TMEM163: variants seen among roughly 807,000 people sequenced by gnomAD.
TMEM163 encodes the protein transmembrane protein 163.
Under a neutral mutation model 29.3 loss-of-function variants are expected in TMEM163, and 17 were observed. The ratio of observed to expected loss-of-function variants is 0.58; its 90% CI spans 0.40 to 0.87. The LOEUF (loss-of-function observed/expected upper bound fraction) is 0.87. Ranked by LOEUF, TMEM163 falls within the 40% of genes least tolerant of loss-of-function variation. The pLI, the probability that TMEM163 is intolerant of heterozygous loss-of-function variation, is 0.00. For missense variants in TMEM163, 303 were observed against 381.5 expected (o/e 0.79, Z 1.71); for synonymous variants, 157 against 160.6 (o/e 0.98, Z 0.17).
At chr2:134,565,003 T>G (rs1681265996) in intron 2 of TMEM163, among the ~76,000 whole-genome samples, 1 of 152,080 alleles carries the variant, frequency 6.6e-6, no homozygotes, top group Non-Finnish European at 1.5e-5. Flanking sequence ...TTTGGGAGGC[T>G]GAGGCAGGCA....
intron 2 of TMEM163, among the ~76,000 whole-genome samples, chr2:134,625,304 A>G (rs1384402403): frequency 6.6e-6 from 1 of 152,362 alleles, no homozygotes; most frequent in East Asian, 1.9e-4. Flanking sequence ...TAAGAAGTCA[A>G]TACACATGGA....
intron 5 of TMEM163, among the ~76,000 whole-genome samples, chr2:134,474,801 T>C (rs910489533): frequency 2.6e-5 from 4 of 152,162 alleles, no homozygotes. Context: ...AAATTTTACA[T>C]GTAAGACCTG....
At chr2:134,507,243 G>A (rs1020638122) in intron 4 of TMEM163, among the ~76,000 whole-genome samples, 2 of 152,046 alleles carry the variant, frequency 1.3e-5, no homozygotes, top group Non-Finnish European at 2.9e-5. Flanking sequence ...GGCAGAGGCA[G>A]GAGAATCGCT....
At chr2:134,486,969 AT>A (rs1266932132) in intron 5 of TMEM163, among the ~76,000 whole-genome samples, 20 of 152,242 alleles carry the variant, frequency 1.3e-4, no homozygotes, top group Non-Finnish European at 2.8e-4. Flanking sequence ...CAGAAAAAGT[AT>A]TCAAAATTCA....
chr2:134,456,817 G>A (rs1169871620), intron 7 of TMEM163, 41 bp from the exon 8 acceptor site: 1 of 1,602,792 alleles, frequency 6.2e-7, no homozygotes, highest in Non-Finnish European at 8.5e-7. Flanking sequence ...CCATGGCATG[G>A]GGCTGAAGAG....
chr2:134,461,396 G>GT (rs1165213004), intron 6 of TMEM163, among the ~76,000 whole-genome samples: 1 of 152,204 alleles, frequency 6.6e-6, no homozygotes, highest in African/African-American at 2.4e-5. Context: ...GCAGGCTCCT[G>GT]TTTCAGAGGG....
chr2:134,659,732 G>T (rs1293017067), intron 2 of TMEM163, among the ~76,000 whole-genome samples: 1 of 152,162 alleles, frequency 6.6e-6, no homozygotes, highest in Non-Finnish European at 1.5e-5. Flanking sequence ...TTGAGGCCAG[G>T]AGTCTGAGAC....
intron 2 of TMEM163, among the ~76,000 whole-genome samples, chr2:134,678,404 T>A (rs1684163728): frequency 2.0e-5 from 3 of 152,246 alleles, no homozygotes; most frequent in Admixed American, 2.0e-4. Context: ...GGCTGCCTTT[T>A]CAGACTTTAG....
At chr2:134,699,099 C>A (rs1384453988) in intron 2 of TMEM163, among the ~76,000 whole-genome samples, 1 of 152,166 alleles carries the variant, frequency 6.6e-6, no homozygotes, top group East Asian at 1.9e-4. Context: ...TTTAACAACT[C>A]TGGAATCAAG....
intron 2 of TMEM163, among the ~76,000 whole-genome samples, chr2:134,696,102 T>C (rs1432533681): frequency 6.6e-6 from 1 of 151,978 alleles, no homozygotes; most frequent in Non-Finnish European, 1.5e-5. Context: ...TTTAGTTTCT[T>C]AAATCACATG....
At chr2:134,531,650 A>G (rs1219346802) in intron 4 of TMEM163, among the ~76,000 whole-genome samples, 2 of 152,238 alleles carry the variant, frequency 1.3e-5, no homozygotes, top group African/African-American at 4.8e-5. Flanking sequence ...TACAGAGGAT[A>G]CAGAAGAAGG....
chr2:134,558,490 T>C (rs1175695404), intron 2 of TMEM163, among the ~76,000 whole-genome samples: 1 of 152,194 alleles, frequency 6.6e-6, no homozygotes. Flanking sequence ...GCATATCAGC[T>C]GGAAATTCAA....
intron 2 of TMEM163, among the ~76,000 whole-genome samples, chr2:134,690,283 A>G (rs1193399146): frequency 6.9e-6 from 1 of 145,322 alleles, no homozygotes; most frequent in African/African-American, 2.5e-5. Flanking sequence ...CTTTACCTAC[A>G]TCAGCAATTT....
chr2:134,649,563 C>G (rs1419478774), intron 2 of TMEM163, among the ~76,000 whole-genome samples: 1 of 152,044 alleles, frequency 6.6e-6, no homozygotes, highest in Non-Finnish European at 1.5e-5. Flanking sequence ...AAGACAGAGA[C>G]ATAGATAAAT....
intron 2 of TMEM163, among the ~76,000 whole-genome samples, chr2:134,694,795 C>A (rs1039970199): frequency 1.3e-5 from 2 of 152,110 alleles, no homozygotes; most frequent in Non-Finnish European, 2.9e-5. Flanking sequence ...TGAAAATGTA[C>A]TTTATCAAAT....
chr2:134,628,705 A>G (rs540593413), intron 2 of TMEM163, among the ~76,000 whole-genome samples: 62 of 152,332 alleles, frequency 4.1e-4, no homozygotes, highest in Non-Finnish European at 6.5e-4. Flanking sequence ...TTCAAGTGGG[A>G]GCTTGCACCT....
chr2:134,577,256 A>T (rs1468129273), intron 2 of TMEM163, among the ~76,000 whole-genome samples: 1 of 152,190 alleles, frequency 6.6e-6, no homozygotes, highest in Non-Finnish European at 1.5e-5. Context: ...TGAGAGCCCA[A>T]ATCTGTGTTC....
At chr2:134,570,565 T>A (rs985413438) in intron 2 of TMEM163, among the ~76,000 whole-genome samples, 8 of 151,394 alleles carry the variant, frequency 5.3e-5, no homozygotes, top group Non-Finnish European at 8.8e-5. Flanking sequence ...TTACTTCTAA[T>A]AAAAGAAAGC....
At chr2:134,643,058 C>T (rs1288805627) in intron 2 of TMEM163, among the ~76,000 whole-genome samples, 1 of 151,624 alleles carries the variant, frequency 6.6e-6, no homozygotes, top group African/African-American at 2.4e-5. Flanking sequence ...ATAAATGAAA[C>T]AAAAAGCTGA....
Sources: allele counts gnomAD v4.1 joint callset (sites outside exome capture counted in the v4.1 genomes callset), GRCh38; gene constraint gnomAD v4.1.1; transcripts MANE v1.5; gene names NCBI Gene and HGNC (gene_info 2026-07-23, HGNC 2026-07-21).